RPS6KA2: variants seen among roughly 807,000 people sequenced by gnomAD.
RPS6KA2 encodes the protein ribosomal protein S6 kinase A2, also known as ribosomal protein S6 kinase alpha-2.
RPS6KA2 carries 42 observed loss-of-function variants against 91.8 expected under a neutral mutation model. The ratio of observed to expected loss-of-function variants is 0.46; its 90% CI spans 0.36 to 0.59. The LOEUF is 0.59. Ranked by LOEUF, RPS6KA2 falls within the 20% of genes least tolerant of loss-of-function variation. The probability of loss-of-function intolerance (pLI) is 0.00; values close to 1 mark genes in which losing one functional copy is unlikely to be tolerated. For missense variants in RPS6KA2, 798 were observed against 978.5 expected (o/e 0.82, Z 2.46); for synonymous variants, 414 against 393.6 (o/e 1.05, Z -0.61).
At position 166,862,037 on chromosome 6, in the gene RPS6KA2, G is replaced by A. The variant is rs1001890172; in HGVS notation, c.63+71C>T. On this transcript the variant is annotated intron_variant, in intron 1 of 21. Coordinates refer to the RPS6KA2 transcript ENST00000503859. Reference sequence around the variant, plus strand: ...TGGACATGAACTGATTATAGTAAATGAGCAATGCATTGGCTGCAGAGTTCG... The same window carrying A: ...TGGACATGAACTGATTATAGTAAATAAGCAATGCATTGGCTGCAGAGTTCG... 1.3e-5 allele frequency: 20 copies of A among 1,593,406 alleles called. No individual in the cohort carries two copies. In the African/African-American group the frequency reaches 2.3e-4, roughly 18 times the overall value.
intron 2 of RPS6KA2, among the ~76,000 whole-genome samples, chr6:166,746,346 G>A (rs963868245): frequency 5.9e-5 from 9 of 152,202 alleles, no homozygotes; most frequent in South Asian, 4.1e-4. Flanking sequence ...AAAACTCAGC[G>A]TGTGTTTTCC....
At chr6:166,837,259 G>A (rs1390534068) in intron 2 of RPS6KA2, among the ~76,000 whole-genome samples, 1 of 152,094 alleles carries the variant, frequency 6.6e-6, no homozygotes. Context: ...GCCTTCTCTA[G>A]GCTCTCCCAG....
At chr6:166,452,138 C>A (rs897467557) in intron 12 of RPS6KA2, among the ~76,000 whole-genome samples, 7 of 151,988 alleles carry the variant, frequency 4.6e-5, no homozygotes, top group Non-Finnish European at 7.4e-5. Flanking sequence ...TGAAAGAAAT[C>A]AATCACATCT....
At chr6:166,600,814 G>A (rs1785705825) in intron 1 of RPS6KA2, among the ~76,000 whole-genome samples, 1 of 152,196 alleles carries the variant, frequency 6.6e-6, no homozygotes, top group Admixed American at 6.5e-5. Flanking sequence ...ATGGAAAATG[G>A]AATATGCATG....
chr6:166,455,369 G>A (rs550695829), intron 12 of RPS6KA2, among the ~76,000 whole-genome samples: 24 of 152,284 alleles, frequency 1.6e-4, no homozygotes, highest in South Asian at 4.1e-4. Context: ...GATGGACGAC[G>A]CAGCGTCCCA....
intron 2 of RPS6KA2, among the ~76,000 whole-genome samples, chr6:166,705,166 A>C (rs753767144): frequency 3.3e-4 from 50 of 152,226 alleles, no homozygotes; most frequent in Non-Finnish European, 6.8e-4. Context: ...TCAACATGTC[A>C]ATACCTCTTG....
chr6:166,734,617 T>G (rs1294289878), intron 2 of RPS6KA2, among the ~76,000 whole-genome samples: 1 of 151,984 alleles, frequency 6.6e-6, no homozygotes, highest in Non-Finnish European at 1.5e-5. Flanking sequence ...AGTCAATGAA[T>G]TTAAGCACAG....
At chr6:166,415,747 G>T (rs968050419) in intron 19 of RPS6KA2, among the ~76,000 whole-genome samples, 2 of 152,034 alleles carry the variant, frequency 1.3e-5, no homozygotes, top group African/African-American at 4.8e-5. Flanking sequence ...ACAAAGTGAG[G>T]GTGTGGACAG....
chr6:166,429,110 A>G (rs1025037776), intron 16 of RPS6KA2, among the ~76,000 whole-genome samples: 122 of 152,298 alleles, frequency 8.0e-4, no homozygotes, highest in African/African-American at 2.8e-3. Flanking sequence ...GCAGCCATAA[A>G]AAATGATGAG....
At chr6:166,463,929 G>C (rs1780424475) in intron 11 of RPS6KA2, among the ~76,000 whole-genome samples, 1 of 152,164 alleles carries the variant, frequency 6.6e-6, no homozygotes, top group South Asian at 2.1e-4. Context: ...GCTGTAGGTG[G>C]GTCCAACAGA....
At chr6:166,683,792 C>T (rs1034939418) in intron 2 of RPS6KA2, among the ~76,000 whole-genome samples, 5 of 152,352 alleles carry the variant, frequency 3.3e-5, no homozygotes, top group Middle Eastern at 6.8e-3. Context: ...TCTCGTCCGA[C>T]CACATGGTGG....
chr6:166,758,463 CT>C (rs1267986739), intron 2 of RPS6KA2, among the ~76,000 whole-genome samples: 2 of 152,254 alleles, frequency 1.3e-5, no homozygotes, highest in Non-Finnish European at 1.5e-5. Flanking sequence ...CCATGGAGCC[CT>C]GCCTTGGTTC....
intron 2 of RPS6KA2, among the ~76,000 whole-genome samples, chr6:166,653,897 C>T (rs1413543077): frequency 6.6e-6 from 1 of 152,170 alleles, no homozygotes; most frequent in Non-Finnish European, 1.5e-5. Flanking sequence ...TTTTCAAATG[C>T]TTACAATTGT....
chr6:166,690,761 C>T (rs1401199651), intron 2 of RPS6KA2, among the ~76,000 whole-genome samples: 1 of 152,144 alleles, frequency 6.6e-6, no homozygotes, highest in Non-Finnish European at 1.5e-5. Flanking sequence ...AGCTATAAAA[C>T]GGACGTACAC....
chr6:166,650,012 T>A (rs547360889), intron 2 of RPS6KA2, among the ~76,000 whole-genome samples: 12 of 152,214 alleles, frequency 7.9e-5, no homozygotes, highest in Non-Finnish European at 1.8e-4. Flanking sequence ...CAAATCTTTA[T>A]TACCCTTAAA....
intron 2 of RPS6KA2, among the ~76,000 whole-genome samples, chr6:166,848,872 A>G (rs1780668735): frequency 6.6e-6 from 1 of 152,156 alleles, no homozygotes. Flanking sequence ...CATGCAACCA[A>G]ATACCACCCG....
rs1313124504 is a variant in RPS6KA2, at chr6:166,748,639, TCCCCTTGGGCCCCCAC to T, written c.123+109545_123+109560del. ...GGGCCCCCACCTCCTCAGGCCCCCA[TCCCCTTGGGCCCCCAC>T]CTCCTCAGGCCCCCATCTCCTCGGT... On this transcript the variant is annotated intron_variant, in intron 2 of 21. Coordinates refer to the RPS6KA2 transcript ENST00000503859. 1.3e-3 allele frequency among the ~76,000 whole-genome samples: 60 copies of T among 47,602 alleles called. 1 individual carries two copies. Among genetic ancestry groups the T allele is most frequent in the African/African-American group, 3.4e-3 (27 of 7,926 alleles). The allele number at this position is 47,602 out of a possible 152,430, so 31.2% of individuals were successfully genotyped here. A position where few individuals can be genotyped will look rare whatever the true frequency, so the allele number is the denominator to read the frequency against.
At chr6:166,580,993 C>T (rs1191673111) in intron 1 of RPS6KA2, among the ~76,000 whole-genome samples, 2 of 152,130 alleles carry the variant, frequency 1.3e-5, no homozygotes, top group Admixed American at 6.5e-5. Flanking sequence ...CCTCTGCCTC[C>T]CAGGTTCAAG....
At chr6:166,550,828 C>T (rs993133643) in intron 1 of RPS6KA2, among the ~76,000 whole-genome samples, 7 of 151,828 alleles carry the variant, frequency 4.6e-5, no homozygotes, top group East Asian at 3.9e-4. Flanking sequence ...CGGTGAAACC[C>T]CGTCTCTACT....
Sources: gnomAD v4.1 joint callset for allele counts (sites outside exome capture counted in the v4.1 genomes callset) on GRCh38, gnomAD v4.1.1 for gene constraint, MANE v1.5 for transcripts, NCBI Gene and HGNC (gene_info 2026-07-23, HGNC 2026-07-21) for gene names.